Variants in BAZ2B observed in about 807,000 individuals in gnomAD.
BAZ2B encodes bromodomain adjacent to zinc finger domain protein 2B.
A neutral mutation model predicts 246.0 loss-of-function variants in BAZ2B; 91 were observed. The observed-to-expected ratio is 0.37, with a 90% CI of 0.31 to 0.44. The LOEUF is 0.44. BAZ2B is among the 20% of genes least tolerant of loss of function. BAZ2B has a pLI of 1.00. For synonymous variants in BAZ2B, 855 were observed against 860.0 expected, an observed-to-expected ratio of 0.99 and a Z score of 0.10; for missense variants, 2,332 against 2,533.7, an observed-to-expected ratio of 0.92 and a Z score of 1.71.
chr2:159,603,096 C>G (rs554065574), intron 1 of BAZ2B, among the ~76,000 whole-genome samples: 1 of 152,304 alleles, frequency 6.6e-6, no homozygotes, highest in Admixed American at 6.5e-5. Flanking sequence ...GAGATCGCAC[C>G]ACTGCACTCC....
intron 2 of BAZ2B, among the ~76,000 whole-genome samples, chr2:159,543,725 G>A (rs565822329): frequency 6.6e-6 from 1 of 152,150 alleles, no homozygotes; most frequent in African/African-American, 2.4e-5. Flanking sequence ...TAGTAGAGAC[G>A]AGGTTTTGCC....
At chr2:159,488,342 G>T (rs766349363) in intron 2 of BAZ2B, among the ~76,000 whole-genome samples, 3 of 152,034 alleles carry the variant, frequency 2.0e-5, no homozygotes, top group Non-Finnish European at 2.9e-5. Context: ...CAAAGTGCTG[G>T]GATTACAGGT....
At chr2:159,316,917 C>A (rs1260504746), downstream of BAZ2B, among the ~76,000 whole-genome samples, 1 of 151,666 alleles carries the variant, frequency 6.6e-6, no homozygotes. Flanking sequence ...ACAAGAATCA[C>A]TTGAACCCGT....
At chr2:159,344,280 G>A (rs574231124) in intron 31 of BAZ2B, among the ~76,000 whole-genome samples, 18 of 152,234 alleles carry the variant, frequency 1.2e-4, no homozygotes, top group African/African-American at 4.3e-4. Flanking sequence ...GCTCATGCCT[G>A]TAATCCCAGC....
the BAZ2B span, among the ~76,000 whole-genome samples, chr2:159,666,046 T>C: frequency 6.6e-6 from 1 of 152,204 alleles, no homozygotes; most frequent in Non-Finnish European, 1.5e-5. Flanking sequence ...CTTTTGTTCA[T>C]TTGTTAAATG....
intron 20 of BAZ2B, among the ~76,000 whole-genome samples, chr2:159,395,237 A>G (rs983065970): frequency 5.3e-5 from 8 of 152,194 alleles, no homozygotes; most frequent in South Asian, 2.1e-4. Flanking sequence ...TTTGTAACAT[A>G]TATCTATTTC....
intron 16 of BAZ2B, among the ~76,000 whole-genome samples, chr2:159,402,007 T>G (rs1016910000): frequency 6.6e-6 from 1 of 152,202 alleles, no homozygotes; most frequent in African/African-American, 2.4e-5. Flanking sequence ...TAATGTACAC[T>G]GATGTTATTG....
the BAZ2B span, among the ~76,000 whole-genome samples, chr2:159,669,417 T>C: frequency 0.025 from 3,863 of 152,296 alleles, 74 homozygotes; most frequent in Middle Eastern, 0.041. Flanking sequence ...TTGGCAGTTA[T>C]TTAGGTATAG....
the BAZ2B span, among the ~76,000 whole-genome samples, chr2:159,683,173 T>G: frequency 1.3e-5 from 2 of 152,250 alleles, no homozygotes; most frequent in South Asian, 4.1e-4. Flanking sequence ...TTTTTTTTCT[T>G]TGGGAAAATA....
chr2:159,400,646 G>T lies in BAZ2B; in HGVS notation c.2851C>A (p.Gln951Lys). 6.4e-7 allele frequency: 1 copy of T among 1,572,686 alleles called. No individual in the cohort carries two copies. The highest frequency in any genetic ancestry group is 8.7e-7 in the Non-Finnish European group (1 of 1,149,286). ...AGTTCTTTTTCCATTCTGATTTGCT[G>T]TATTCTCTTAATTTTTTCCTGTAGG... ...MKQQEKIKRI[Q>K]QIRMEKELRA... is the part of the protein sequence containing the mutation. Residue 951 changes from glutamine to lysine, a missense_variant, in exon 17 of 37, where the codon CAG becomes AAG. Around this residue, in one of 9 missense-constraint regions of BAZ2B, gnomAD observed 651 missense variants for 650.9 expected, o/e 1.00. Transcript: ENST00000392783.
At chr2:159,647,066 A>G in the BAZ2B span, among the ~76,000 whole-genome samples, 10 of 152,188 alleles carry the variant, frequency 6.6e-5, no homozygotes, top group African/African-American at 2.4e-4. Context: ...ACACTTACCC[A>G]GTCCCAAAGT....
rs187141413 is a variant in BAZ2B, at chr2:159,567,254, T to C, written c.-45-11389A>G. 1.1e-4 allele frequency among the ~76,000 whole-genome samples: 17 copies of C among 152,110 alleles called. No homozygotes were observed. The East Asian group carries it at 2.9e-3, about 26-fold the overall frequency. ...TCAAAGAAAAAAAGAAAAAAATTCA[T>C]TCAACAAGACCCTGTAACCTTTGTT... On this transcript the variant is annotated intron_variant, in intron 1 of 36. Coordinates refer to ENST00000392783, the MANE Select transcript of BAZ2B (RefSeq NM_013450.4).
rs543142050 is a variant in BAZ2B at position 159,462,794 on chromosome 2, A to G, written c.146-8993T>C. 4.2e-6 allele frequency: 6 copies of G among 1,423,644 alleles called. No individual in the cohort carries two copies. In the Admixed American group the frequency reaches 1.0e-4, roughly 24 times the overall value. The allele number at this position is 1,423,644 out of a possible 1,614,324, so 88.2% of individuals were successfully genotyped here. A position where few individuals can be genotyped will look rare whatever the true frequency, so the allele number is the denominator to read the frequency against. The stretch of plus-strand genomic sequence containing the variant: ...CTCATGGCTTTCAATACATGCAATA[A>G]TAGTCTGTTGCCCATCGATAGTTTT... On this transcript the variant is annotated intron_variant, in intron 3 of 36. Coordinates refer to ENST00000392783, the MANE Select transcript of BAZ2B (RefSeq NM_013450.4).
intron 1 of BAZ2B, among the ~76,000 whole-genome samples, chr2:159,595,413 T>C (rs1690457868): frequency 6.6e-6 from 1 of 152,206 alleles, no homozygotes; most frequent in African/African-American, 2.4e-5. Context: ...TGTTTTTATA[T>C]ACTAATGACA....
chr2:159,592,000 T>C (rs987445640), intron 1 of BAZ2B, among the ~76,000 whole-genome samples: 5 of 152,076 alleles, frequency 3.3e-5, no homozygotes, highest in Non-Finnish European at 5.9e-5. Context: ...GGTGCCTGTA[T>C]TCCCAGCTAC....
chr2:159,663,389 G>T, the BAZ2B span, among the ~76,000 whole-genome samples: 1 of 151,518 alleles, frequency 6.6e-6, no homozygotes, highest in African/African-American at 2.4e-5. Context: ...TTTTAGTAGA[G>T]ATGCAGTTTC....
chr2:159,637,255 CA>C, the BAZ2B span, among the ~76,000 whole-genome samples: 2 of 152,194 alleles, frequency 1.3e-5, no homozygotes, highest in Admixed American at 1.3e-4. Flanking sequence ...TCCCTAAGTC[CA>C]GGCCTAGGCT....
chr2:159,437,960 C>A, intron 8 of BAZ2B: 3 of 169,250 alleles, frequency 1.8e-5, no homozygotes, highest in Non-Finnish European at 2.5e-5. Context: ...AAAAAAAGGA[C>A]ATTAATTTTA....
At chr2:159,367,680 T>G (rs961747442) in intron 27 of BAZ2B, among the ~76,000 whole-genome samples, 5 of 151,984 alleles carry the variant, frequency 3.3e-5, no homozygotes, top group Non-Finnish European at 7.4e-5. Context: ...GGTCAGGAGA[T>G]CGAGACCATC....
Sources: gnomAD v4.1 joint callset for allele counts (sites outside exome capture counted in the v4.1 genomes callset) on GRCh38, gnomAD v4.1.1 for gene constraint, gnomAD v4.1.1 regional missense constraint, MANE v1.5 for transcripts, NCBI Gene and HGNC (gene_info 2026-07-23, HGNC 2026-07-21) for gene names.